Variants in TUBE1 observed in about 807,000 individuals in gnomAD.
The protein encoded by TUBE1 is tubulin epsilon chain.
A neutral mutation model predicts 53.5 loss-of-function variants in TUBE1; 34 were observed. The ratio of observed to expected loss-of-function variants is 0.64; its 90% CI spans 0.48 to 0.85. TUBE1 has a LOEUF of 0.85. Among genes scored for constraint, TUBE1 ranks in the 40% least tolerant of loss-of-function variants. The probability of loss-of-function intolerance (pLI) is 0.00; values close to 1 mark genes in which losing one functional copy is unlikely to be tolerated. For synonymous variants in TUBE1, 177 were observed against 198.4 expected, an observed-to-expected ratio of 0.89 and a Z score of 0.91; for missense variants, 532 against 570.5, an observed-to-expected ratio of 0.93 and a Z score of 0.69.
chr6:112,084,188 C>T lies in TUBE1; in HGVS notation c.210+1G>A. 6.2e-7 allele frequency: 1 copy of T among 1,603,434 alleles called. No individual in the cohort carries two copies. Among genetic ancestry groups the T allele is most frequent in the Non-Finnish European group, 8.5e-7 (1 of 1,170,416 alleles). ...TAAGAATCCAAGCATATGTATCTTA[C>T]TCGTGCTTTTAAAGAACATATTTTT... On this transcript the variant is annotated splice_donor_variant, in intron 4 of 11. Coordinates refer to ENST00000368662, the MANE Select transcript of TUBE1 (RefSeq NM_016262.5). LOFTEE classifies it high-confidence loss of function.
chr6:112,079,331 A>T (rs1394720812), intron 6 of TUBE1: 1 of 210,622 alleles, frequency 4.7e-6, no homozygotes, highest in African/African-American at 2.3e-5. Context: ...TACATCCTGA[A>T]AAGTATCTGA....
chr6:112,078,397 T>C (rs1290435226), intron 6 of TUBE1: 3 of 152,012 alleles, frequency 2.0e-5, no homozygotes, highest in African/African-American at 7.2e-5. Flanking sequence ...AGAGCTGATA[T>C]GGAAAGATGT....
At chr6:112,076,248 A>C in intron 7 of TUBE1, 74 bp downstream of exon 7, 1 of 1,471,148 alleles carries the variant, frequency 6.8e-7, no homozygotes, top group Non-Finnish European at 9.1e-7. Flanking sequence ...AGAACGTTTC[A>C]TATAAACACA....
chr6:112,071,180 A>G lies in TUBE1; in HGVS notation c.*232T>C, dbSNP rs1049376190. 11 of 394,466 alleles carry G rather than the reference A, an allele frequency of 2.8e-5. No individual in the cohort carries two copies. Among genetic ancestry groups the G allele is most frequent in the Non-Finnish European group, 4.5e-5 (10 of 222,756 alleles). 24.4% of individuals were successfully genotyped at this position (394,466 alleles called of 1,614,324 possible). On this transcript the variant is annotated 3_prime_UTR_variant, in exon 12 of 12. Coordinates refer to ENST00000368662, the MANE Select transcript of TUBE1 (RefSeq NM_016262.5). The stretch of plus-strand genomic sequence containing the variant: ...TCAAGAACTATGTTATCTCAATTTT[A>G]GAAAAGGGAACTTTTCTGAAGAGAA...
chr6:112,071,435 G>A lies in TUBE1; in HGVS notation c.1405C>T (p.Pro469Ser). The change falls in exon 12 of 12, where the codon CCC becomes TCC. Residue 469 changes from proline (P) to serine (S), a missense_variant. Transcript: ENST00000368662. ...ATKNMPVQDLPRLSIAM is the reference protein window; with the variant it reads ...ATKNMPVQDLSRLSIAM Reference sequence around the variant, plus strand: ...TTTCACATAGCTATGCTTAGTCTGGGTAAATCCTGCACAGGCATGTTTTTT... The same window carrying A: ...TTTCACATAGCTATGCTTAGTCTGGATAAATCCTGCACAGGCATGTTTTTT... 6.2e-7 allele frequency: 1 copy of A among 1,601,256 alleles called. No individual in the cohort carries two copies. Among genetic ancestry groups the A allele is most frequent in the Non-Finnish European group, 8.5e-7 (1 of 1,171,694 alleles).
intron 8 of TUBE1, chr6:112,075,468 A>AT (rs1776949789): frequency 6.6e-6 from 1 of 152,656 alleles, no homozygotes; most frequent in Non-Finnish European, 1.5e-5. Context: ...TTAAACACAT[A>AT]TAAGTCAATA....
chr6:112,086,400 G>A (rs1777157352), intron 3 of TUBE1, among the ~76,000 whole-genome samples, 156 bp downstream of exon 3: 1 of 152,080 alleles, frequency 6.6e-6, no homozygotes, highest in African/African-American at 2.4e-5. Flanking sequence ...AATGATATAA[G>A]AATATTAATA....
At chr6:112,081,731 T>C (rs1361661881) in intron 4 of TUBE1, among the ~76,000 whole-genome samples, 1 of 149,884 alleles carries the variant, frequency 6.7e-6, no homozygotes, top group South Asian at 2.1e-4. Context: ...CTACAAACTT[T>C]AGCTGACATG....
chr6:112,079,498 A>T, intron 6 of TUBE1, 135 bp downstream of exon 6: 1 of 731,476 alleles, frequency 1.4e-6, no homozygotes, highest in African/African-American at 1.9e-5. Context: ...GTGTATGTTT[A>T]TATACTCAAA....
chr6:112,072,661 G>C lies in TUBE1; in HGVS notation c.1094+97C>G, dbSNP rs73766924. 3,250 of 1,275,598 alleles carry C rather than the reference G, an allele frequency of 2.5e-3. 74 individuals are homozygous for C. The African/African-American group carries it at 0.044, about 17-fold the overall frequency. The allele number at this position is 1,275,598 out of a possible 1,614,324, so 79.0% of individuals were successfully genotyped here. On this transcript the variant is annotated intron_variant, in intron 10 of 11. Transcript: ENST00000368662. ...TGTTCACAGTCACACTTTAGTAAGTGGCACTGCTAGAATTTGAAGGGCGGC... is the reference window on the plus strand; with the variant it reads ...TGTTCACAGTCACACTTTAGTAAGTCGCACTGCTAGAATTTGAAGGGCGGC...
chr6:112,085,382 G>A (rs1300058706), intron 3 of TUBE1: 2 of 219,346 alleles, frequency 9.1e-6, no homozygotes, highest in Non-Finnish European at 1.9e-5. Context: ...ACACAGAGTA[G>A]ATGAGAGTGT....
At chr6:112,082,307 T>C (rs1554316870) in intron 4 of TUBE1, among the ~76,000 whole-genome samples, 2 of 152,176 alleles carry the variant, frequency 1.3e-5, no homozygotes, top group African/African-American at 4.8e-5. Flanking sequence ...ATATGCAATT[T>C]TGACCTCAAA....
chr6:112,077,622 A>G (rs369673771), intron 6 of TUBE1: 1 of 152,238 alleles, frequency 6.6e-6, no homozygotes, highest in Non-Finnish European at 1.5e-5. Context: ...TTTAAACACC[A>G]ATGTTCTAAT....
Position 112,071,392 on chromosome 6 carries a change from T to A in TUBE1, c.*20A>T. 6.8e-7 allele frequency: 1 copy of A among 1,460,552 alleles called. No individual in the cohort carries two copies. The highest frequency in any genetic ancestry group is 9.2e-7 in the Non-Finnish European group (1 of 1,091,822). The allele number at this position is 1,460,552 out of a possible 1,614,324, so 90.5% of individuals were successfully genotyped here. A position where few individuals can be genotyped will look rare whatever the true frequency, so the allele number is the denominator to read the frequency against. ...AAAAAACAATGTGAAATTAAGAAAGTATTTTTGAGGGTTTCTTTTTCACAT... is the reference window on the plus strand; with the variant it reads ...AAAAAACAATGTGAAATTAAGAAAGAATTTTTGAGGGTTTCTTTTTCACAT... On this transcript the variant is annotated 3_prime_UTR_variant, in exon 12 of 12. Transcript: ENST00000368662.
chr6:112,086,763 T>A (rs947422611), intron 2 of TUBE1, 155 bp from the exon 3 acceptor site: 13 of 590,444 alleles, frequency 2.2e-5, no homozygotes, highest in Non-Finnish European at 3.8e-5. Flanking sequence ...CTCTTCCCAA[T>A]CTCCTTAGAA....
At chr6:112,075,832 G>T in intron 8 of TUBE1, 105 bp downstream of exon 8, 1 of 1,054,288 alleles carries the variant, frequency 9.5e-7, no homozygotes, top group Non-Finnish European at 1.3e-6. Context: ...AATAAAAACA[G>T]AAGCAGCTTC....
At chr6:112,077,470 C>T (rs1776990531) in intron 6 of TUBE1, 1 of 128,884 alleles carries the variant, frequency 7.8e-6, no homozygotes, top group African/African-American at 3.3e-5. Flanking sequence ...CAGATTAGTA[C>T]TGTTTTCTTA....
chr6:112,085,838 C>T (rs1347203523), intron 3 of TUBE1: 2 of 378,928 alleles, frequency 5.3e-6, no homozygotes, highest in Non-Finnish European at 1.1e-5. Context: ...CTCGAGATGC[C>T]AATGACACTT....
intron 3 of TUBE1, chr6:112,085,469 T>C (rs1777133717): frequency 3.0e-6 from 1 of 331,180 alleles, no homozygotes; most frequent in Non-Finnish European, 6.0e-6. Context: ...AATGTAAGCG[T>C]TGGGTAACAA....
Sources: gnomAD v4.1 joint callset for allele counts (sites outside exome capture counted in the v4.1 genomes callset) on GRCh38, gnomAD v4.1.1 for gene constraint, MANE v1.5 for transcripts, NCBI Gene and HGNC (gene_info 2026-07-23, HGNC 2026-07-21) for gene names.